KYAT3: variants seen among roughly 807,000 people sequenced by gnomAD.
The protein encoded by KYAT3 is kynurenine--oxoglutarate transaminase 3.
KYAT3 carries 50 observed loss-of-function variants against 59.0 expected under a neutral mutation model. The observed-to-expected ratio is 0.85, with a 90% CI of 0.68 to 1.07. The LOEUF (loss-of-function observed/expected upper bound fraction) is 1.07, where lower values mean the gene tolerates loss of function less well. Among genes scored for constraint, KYAT3 ranks in the 50% least tolerant of loss-of-function variants. KYAT3 has a pLI of 0.00. For missense variants in KYAT3, 497 were observed against 533.3 expected, an observed-to-expected ratio of 0.93 and a Z score of 0.67; for synonymous variants, 148 against 177.0, an observed-to-expected ratio of 0.84 and a Z score of 1.30.
intron 11 of KYAT3, among the ~76,000 whole-genome samples, chr1:88,944,948 A>G (rs895837153): frequency 6.6e-6 from 1 of 152,110 alleles, no homozygotes; most frequent in Non-Finnish European, 1.5e-5. Flanking sequence ...GGTTCAAGCA[A>G]TTATCCTGCC....
chr1:88,989,731 C>A (rs1300228664), intron 1 of KYAT3, among the ~76,000 whole-genome samples: 2 of 152,142 alleles, frequency 1.3e-5, no homozygotes, highest in African/African-American at 4.8e-5. Flanking sequence ...GGCCTCAATG[C>A]CCACCTTCCT....
chr1:88,974,215 T>C (rs12402119), intron 2 of KYAT3, among the ~76,000 whole-genome samples: 4,257 of 152,290 alleles, frequency 0.028, 162 homozygotes, highest in African/African-American at 0.082. Context: ...GCCCAAATGT[T>C]ACTGTCTTTT....
chr1:88,980,910 G>T (rs1335247340), intron 2 of KYAT3: 1 of 152,150 alleles, frequency 6.6e-6, no homozygotes, highest in African/African-American at 2.4e-5. Flanking sequence ...TCTGCCAAAT[G>T]AGAGTTAAAA....
chr1:88,982,685 G>C (rs749709949), intron 2 of KYAT3: 2 of 1,613,410 alleles, frequency 1.2e-6, no homozygotes, highest in Non-Finnish European at 1.7e-6. Context: ...CCCTCTATCA[G>C]ATCGGCTTCC....
intron 2 of KYAT3, chr1:88,980,225 GAC>G (rs1009612605): frequency 3.3e-5 from 5 of 152,552 alleles, no homozygotes; most frequent in African/African-American, 1.2e-4. Flanking sequence ...TGTTGATGGT[GAC>G]AGTGGCTTCA....
At chr1:88,958,811 T>C (rs969628177) in intron 8 of KYAT3, among the ~76,000 whole-genome samples, 6 of 152,132 alleles carry the variant, frequency 3.9e-5, no homozygotes, top group Admixed American at 3.3e-4. Context: ...ATTCACAATA[T>C]CACCATTTCA....
intron 11 of KYAT3, among the ~76,000 whole-genome samples, chr1:88,946,038 C>T (rs113291200): frequency 4.6e-5 from 7 of 152,232 alleles, no homozygotes; most frequent in African/African-American, 1.7e-4. Flanking sequence ...GAAATGGAAA[C>T]TAATTAGGAG....
intron 2 of KYAT3, among the ~76,000 whole-genome samples, chr1:88,974,469 CTTTTTTTTTTTT>C (rs71084932): frequency 4.3e-5 from 3 of 69,660 alleles, no homozygotes; most frequent in Non-Finnish European, 7.6e-5. Context: ...GTGTCTCTCT[CTTTTTTTTTTTT>C]TTTTTTTTTT....
In KYAT3 at chr1:88,959,961, G is replaced by A. The variant is rs373795436; in HGVS notation, c.787+1206C>T. On this transcript the variant is annotated intron_variant, in intron 8 of 13. Transcript: ENST00000260508. Reference sequence around the variant, plus strand: ...TCTGTGCCTGCAGTCCCATCTACTTGGGAGGCTGAGGTGGGAGGATTGCTT... The same window carrying A: ...TCTGTGCCTGCAGTCCCATCTACTTAGGAGGCTGAGGTGGGAGGATTGCTT... Among the ~76,000 whole-genome samples, 36 of 147,180 alleles carry A rather than the reference G, an allele frequency of 2.4e-4. No individual in the cohort carries two copies. In the East Asian group the frequency reaches 6.4e-3, roughly 26 times the overall value.
At chr1:88,975,414 G>A (rs1308563984) in intron 2 of KYAT3, among the ~76,000 whole-genome samples, 2 of 152,198 alleles carry the variant, frequency 1.3e-5, no homozygotes. Context: ...GCCTCCCAAA[G>A]TGCTGGGATT....
chr1:88,928,188 A>G, the KYAT3 span, among the ~76,000 whole-genome samples: 4 of 152,176 alleles, frequency 2.6e-5, no homozygotes. Context: ...TTGAGGAAGC[A>G]TACCTCCCTG....
chr1:88,966,974 T>C (rs1372765939), intron 4 of KYAT3, among the ~76,000 whole-genome samples: 2 of 152,124 alleles, frequency 1.3e-5, no homozygotes, highest in African/African-American at 2.4e-5. Flanking sequence ...TATAGCATAA[T>C]TGCAATGATT....
At chr1:88,982,692 T>G in intron 2 of KYAT3, 1 of 1,613,652 alleles carries the variant, frequency 6.2e-7, no homozygotes, top group Non-Finnish European at 8.5e-7. Flanking sequence ...TCAGATCGGC[T>G]TCCTCCAGGG....
intron 11 of KYAT3, among the ~76,000 whole-genome samples, chr1:88,947,411 T>C (rs1675486192): frequency 6.6e-6 from 1 of 152,188 alleles, no homozygotes; most frequent in South Asian, 2.1e-4. Flanking sequence ...GCCTCTTCTG[T>C]GTCCCAACTG....
intron 10 of KYAT3, among the ~76,000 whole-genome samples, chr1:88,949,701 A>G (rs1675597045): frequency 6.6e-6 from 1 of 152,240 alleles, no homozygotes; most frequent in South Asian, 2.1e-4. Flanking sequence ...TACTGTGCAA[A>G]GGAGAAATGT....
chr1:88,947,953 G>A (rs982332938), intron 11 of KYAT3, among the ~76,000 whole-genome samples: 14 of 152,034 alleles, frequency 9.2e-5, no homozygotes, highest in Admixed American at 2.0e-4. Context: ...TTAGCTAGGT[G>A]TGGTGGTGCA....
intron 13 of KYAT3, among the ~76,000 whole-genome samples, chr1:88,937,901 A>C (rs550006719): frequency 6.6e-6 from 1 of 152,354 alleles, no homozygotes; most frequent in Admixed American, 6.5e-5. Flanking sequence ...GAAAACTGAG[A>C]AACCATTCTA....
intron 2 of KYAT3, chr1:88,982,109 CT>C: frequency 1.0e-6 from 1 of 986,504 alleles, no homozygotes; most frequent in Non-Finnish European, 1.2e-6. Flanking sequence ...TATCCATTTG[CT>C]TTTTTTGGGT....
chr1:88,928,323 T>G, the KYAT3 span, among the ~76,000 whole-genome samples: 2 of 151,926 alleles, frequency 1.3e-5, no homozygotes, highest in African/African-American at 4.8e-5. Flanking sequence ...GAAACCCTAT[T>G]GAACTTGGCA....
Sources: allele counts gnomAD v4.1 joint callset (sites outside exome capture counted in the v4.1 genomes callset), GRCh38; gene constraint gnomAD v4.1.1; transcripts MANE v1.5; gene names NCBI Gene and HGNC (gene_info 2026-07-23, HGNC 2026-07-21).